TACR1: variants seen among roughly 807,000 people sequenced by gnomAD.
The protein encoded by TACR1 is tachykinin receptor 1.
Under a neutral mutation model 35.8 loss-of-function variants are expected in TACR1, and 25 were observed. The ratio of observed to expected loss-of-function variants is 0.70; its 90% confidence interval spans 0.51 to 0.98. TACR1 has a LOEUF of 0.98. Ranked by LOEUF, TACR1 falls within the 50% of genes least tolerant of loss-of-function variation. The pLI is 0.00. For missense variants in TACR1, 478 were observed against 522.9 expected (o/e 0.91, Z 0.84); for synonymous variants, 195 against 206.7 (o/e 0.94, Z 0.48).
intron 2 of TACR1, among the ~76,000 whole-genome samples, chr2:75,094,228 C>T (rs904080749): frequency 6.6e-6 from 1 of 152,104 alleles, no homozygotes; most frequent in African/African-American, 2.4e-5. Flanking sequence ...GTTGAATAAA[C>T]AAGAGAGTTA....
intron 2 of TACR1, among the ~76,000 whole-genome samples, chr2:75,099,497 A>G (rs1673490924): frequency 1.3e-5 from 2 of 151,976 alleles, no homozygotes; most frequent in African/African-American, 2.4e-5. Flanking sequence ...AATCACTCCT[A>G]TACAAGTCAC....
At chr2:75,050,048 A>T (rs936372862) in intron 4 of TACR1, among the ~76,000 whole-genome samples, 1 of 152,176 alleles carries the variant, frequency 6.6e-6, no homozygotes, top group African/African-American at 2.4e-5. Flanking sequence ...AACAAAACGC[A>T]TTCACCAAGT....
At chr2:75,173,401 T>C (rs1175966233) in intron 1 of TACR1, among the ~76,000 whole-genome samples, 1 of 152,236 alleles carries the variant, frequency 6.6e-6, no homozygotes, top group Non-Finnish European at 1.5e-5. Flanking sequence ...TTTTTGAGCC[T>C]GCTTTACTGT....
Position 75,079,837 on chromosome 2 carries a change from T to A in TACR1, c.585-26082A>T, listed in dbSNP as rs576412875. Among the ~76,000 whole-genome samples the A allele has an allele frequency of 2.6e-5, 4 of 151,700 alleles. No individual in the cohort carries two copies. The South Asian group carries it at 6.3e-4, about 24-fold the overall frequency. Reference sequence around the variant, plus strand: ...GGGGGTTAAACCAGTCGTAACAATGTTCTGGAGTATTGATCCCATGTTGGT... The same window carrying A: ...GGGGGTTAAACCAGTCGTAACAATGATCTGGAGTATTGATCCCATGTTGGT... On this transcript the variant is annotated intron_variant, in intron 2 of 4. Coordinates refer to ENST00000305249, the MANE Select transcript of TACR1 (RefSeq NM_001058.4).
chr2:75,052,757 C>CTGTG (rs368836930), intron 3 of TACR1, among the ~76,000 whole-genome samples: 1 of 151,502 alleles, frequency 6.6e-6, no homozygotes, highest in Non-Finnish European at 1.5e-5. Context: ...GTATGCATAT[C>CTGTG]TGTGTGTGTG....
At chr2:75,105,208 AAAG>A (rs1673614842) in intron 2 of TACR1, among the ~76,000 whole-genome samples, 1 of 152,156 alleles carries the variant, frequency 6.6e-6, no homozygotes, top group South Asian at 2.1e-4. Flanking sequence ...CAGCTTTAAA[AAAG>A]AAGATGCTTT....
chr2:75,115,928 A>AAAAG (rs70937823), intron 2 of TACR1, among the ~76,000 whole-genome samples: 1 of 151,068 alleles, frequency 6.6e-6, no homozygotes, highest in Non-Finnish European at 1.5e-5. Flanking sequence ...AAAAAAAAAA[A>AAAAG]GAGAAGCTCT....
At chr2:75,184,244 AT>A (rs890387792) in intron 1 of TACR1, among the ~76,000 whole-genome samples, 1 of 152,186 alleles carries the variant, frequency 6.6e-6, no homozygotes, top group Non-Finnish European at 1.5e-5. Context: ...CAAAAACACA[AT>A]TGGCAAATTA....
intron 1 of TACR1, among the ~76,000 whole-genome samples, chr2:75,139,763 A>G (rs760542214): frequency 6.6e-6 from 1 of 152,234 alleles, no homozygotes; most frequent in Non-Finnish European, 1.5e-5. Context: ...GGGAGAAATA[A>G]AAACCCGACT....
chr2:75,147,310 C>T (rs2103958584), intron 1 of TACR1, among the ~76,000 whole-genome samples: 1 of 152,342 alleles, frequency 6.6e-6, no homozygotes, highest in African/African-American at 2.4e-5. Context: ...TCCCCAGAAC[C>T]TCAGTGGGAA....
chr2:75,123,750 A>G (rs1674018067), intron 1 of TACR1, among the ~76,000 whole-genome samples: 1 of 151,020 alleles, frequency 6.6e-6, no homozygotes, highest in African/African-American at 2.4e-5. Context: ...TGCAATCCTC[A>G]TTTCTGGGGC....
chr2:75,193,053 C>G (rs1207534907), intron 1 of TACR1, among the ~76,000 whole-genome samples: 1 of 151,990 alleles, frequency 6.6e-6, no homozygotes, highest in Non-Finnish European at 1.5e-5. Flanking sequence ...CATTCTGTCT[C>G]CTCCTTCTCT....
intron 1 of TACR1, among the ~76,000 whole-genome samples, chr2:75,161,656 G>C (rs1431740571): frequency 6.6e-6 from 1 of 152,064 alleles, no homozygotes; most frequent in Non-Finnish European, 1.5e-5. Flanking sequence ...AATGAAAACA[G>C]TAGAGAGAAC....
chr2:75,123,640 G>A (rs940306777), intron 1 of TACR1, among the ~76,000 whole-genome samples: 7 of 152,140 alleles, frequency 4.6e-5, no homozygotes, highest in African/African-American at 1.4e-4. Context: ...TTTAAAAAAT[G>A]TATATATGTT....
chr2:75,051,186 C>T, intron 4 of TACR1, 65 bp downstream of exon 4: 1 of 1,605,696 alleles, frequency 6.2e-7, no homozygotes, highest in African/African-American at 1.3e-5. Flanking sequence ...AGGATGGCCG[C>T]TTGGCCACTG....
chr2:75,090,510 C>T (rs1265780154), intron 2 of TACR1, among the ~76,000 whole-genome samples: 1 of 152,172 alleles, frequency 6.6e-6, no homozygotes, highest in Non-Finnish European at 1.5e-5. Context: ...CCAAACATTC[C>T]TTTCTATTGA....
chr2:75,194,065 T>G lies in TACR1; in HGVS notation c.389+4481A>C, dbSNP rs556704694. On this transcript the variant is annotated intron_variant, in intron 1 of 4. Coordinates refer to ENST00000305249, the MANE Select transcript of TACR1 (RefSeq NM_001058.4). ...CTATGTGCTTTTATTTTGAGAATTA[T>G]TCTTTATTTGCCTCCAATTCAAACT... Among the ~76,000 whole-genome samples, 5 of 152,314 alleles carry G rather than the reference T, an allele frequency of 3.3e-5. No individual in the cohort carries two copies. In the South Asian group the frequency reaches 6.2e-4, roughly 19 times the overall value.
Position 75,154,406 on chromosome 2 carries a change from G to GCGCGCGCGCGCGCGCGCGCGCGCA in TACR1, c.390-33639_390-33638insTGCGCGCGCGCGCGCGCGCGCGCG, listed in dbSNP as rs1264139655. 7.6e-5 allele frequency: 6 copies of GCGCGCGCGCGCGCGCGCGCGCGCA among 78,514 alleles called. 1 individual carries two copies. Among genetic ancestry groups the GCGCGCGCGCGCGCGCGCGCGCGCA allele is most frequent in the Admixed American group, 1.3e-4 (1 of 7,838 alleles). 4.9% of individuals were successfully genotyped at this position (78,514 alleles called of 1,614,324 possible). A position where few individuals can be genotyped will look rare whatever the true frequency, so the allele number is the denominator to read the frequency against. On this transcript the variant is annotated intron_variant, in intron 1 of 4. Transcript: ENST00000305249. ...CAGGGAGATAATCAGCCAAGAGCGC[G>GCGCGCGCGCGCGCGCGCGCGCGCA]CACGCACACACACACACACACACAC... is the stretch of plus-strand genomic sequence containing the variant.
intron 2 of TACR1, among the ~76,000 whole-genome samples, chr2:75,096,159 G>A (rs1355553998): frequency 1.3e-5 from 2 of 152,200 alleles, no homozygotes; most frequent in South Asian, 2.1e-4. Context: ...GGGGAGAGCA[G>A]TTGATTGTAA....
Sources: allele counts gnomAD v4.1 joint callset (sites outside exome capture counted in the v4.1 genomes callset), GRCh38; gene constraint gnomAD v4.1.1; transcripts MANE v1.5; gene names NCBI Gene and HGNC (gene_info 2026-07-23, HGNC 2026-07-21).